The following PDE10A variants were observed in gnomAD, a reference collection of about 807,000 sequenced individuals.
The protein encoded by PDE10A is phosphodiesterase 10A.
Under a neutral mutation model 97.7 loss-of-function variants are expected in PDE10A, and 39 were observed. The ratio of observed to expected loss-of-function variants is 0.40; its 90% CI spans 0.31 to 0.52. PDE10A has a LOEUF of 0.52. Ranked by LOEUF, PDE10A falls within the 20% of genes least tolerant of loss-of-function variation. The pLI is 0.56. For missense variants in PDE10A, 731 were observed against 1,047.8 expected (o/e 0.70, Z 4.17); for synonymous variants, 371 against 376.8 (o/e 0.98, Z 0.18).
At chr6:165,347,063 A>T (rs1007057478) in intron 18 of PDE10A, among the ~76,000 whole-genome samples, 3 of 150,294 alleles carry the variant, frequency 2.0e-5, no homozygotes, top group African/African-American at 7.3e-5. Context: ...ACTAGGTTCA[A>T]TTCTTTTTTT....
intron 4 of PDE10A, 121 bp downstream of exon 4, chr6:165,450,121 A>T: frequency 1.5e-6 from 1 of 654,308 alleles, no homozygotes; most frequent in Non-Finnish European, 2.6e-6. Flanking sequence ...CTTGAAATTT[A>T]GTCCAGAAAT....
At chr6:165,468,206 G>A (rs1778772000) in intron 3 of PDE10A, among the ~76,000 whole-genome samples, 1 of 152,022 alleles carries the variant, frequency 6.6e-6, no homozygotes, top group Non-Finnish European at 1.5e-5. Flanking sequence ...AGCCTCCTGA[G>A]TAGCAGGGAT....
chr6:165,966,702 C>A (rs558919851), intron 1 of PDE10A, among the ~76,000 whole-genome samples: 5 of 152,302 alleles, frequency 3.3e-5, no homozygotes, highest in African/African-American at 1.2e-4. Flanking sequence ...AGAGAATAAA[C>A]AAGCATTGTC....
chr6:165,758,533 G>A (rs796407095), intron 1 of PDE10A, among the ~76,000 whole-genome samples: 33 of 81,442 alleles, frequency 4.1e-4, no homozygotes, highest in East Asian at 2.9e-3. Flanking sequence ...AAGAAGAAGA[G>A]GAAGAGGAAG....
chr6:165,833,543 G>A (rs890613433), intron 1 of PDE10A, among the ~76,000 whole-genome samples: 9 of 152,250 alleles, frequency 5.9e-5, no homozygotes, highest in Non-Finnish European at 1.0e-4. Context: ...ATGCCCCAGG[G>A]CGTAGCAGGC....
rs1039789978 is a variant in PDE10A, at chr6:165,883,797, T to C, written c.-615+103732A>G. ...AGCTTCGGTGTTGAACAGTCAGCAC[T>C]GATCTACCCTAAGCCGCCCATACAG... On this transcript the variant is annotated intron_variant, in intron 1 of 19. Coordinates refer to the PDE10A transcript ENST00000366882. Among the ~76,000 whole-genome samples, 6 of 152,194 alleles carry C rather than the reference T, an allele frequency of 3.9e-5. No individual in the cohort carries two copies. The South Asian group carries it at 6.2e-4, about 16-fold the overall frequency.
At position 165,592,923 on chromosome 6, in the gene PDE10A, A is replaced by G. The variant is rs181102448; in HGVS notation, c.866-49355T>C. ...TCAGGGATCTAGAACTAGAAATACC[A>G]TTTGACCCAGCCATCCCATTACTGG... is the stretch of plus-strand genomic sequence containing the variant. On this transcript the variant is annotated intron_variant, in intron 1 of 21. Transcript: ENST00000539869. Among the ~76,000 whole-genome samples the G allele has an allele frequency of 7.5e-3, 1,145 of 152,326 alleles. 14 individuals carry two copies. The highest frequency in any genetic ancestry group is 0.027 in the African/African-American group (1,110 of 41,562).
chr6:165,386,899 C>T (rs967718393), intron 17 of PDE10A, among the ~76,000 whole-genome samples: 1 of 151,326 alleles, frequency 6.6e-6, no homozygotes, highest in African/African-American at 2.4e-5. Flanking sequence ...TCCTGTAGTT[C>T]CAGCTACTTG....
At chr6:165,844,472 G>A (rs1475581990) in intron 1 of PDE10A, among the ~76,000 whole-genome samples, 1 of 152,206 alleles carries the variant, frequency 6.6e-6, no homozygotes, top group Non-Finnish European at 1.5e-5. Context: ...GGTGTTCTAA[G>A]TCACTCCAGT....
chr6:165,667,238 A>G (rs1790519723), upstream of PDE10A, among the ~76,000 whole-genome samples: 1 of 152,138 alleles, frequency 6.6e-6, no homozygotes. Flanking sequence ...TTTTTGGGAA[A>G]CAGGTAGGGG....
chr6:165,423,394 G>C (rs767349057), intron 10 of PDE10A, among the ~76,000 whole-genome samples: 3 of 152,130 alleles, frequency 2.0e-5, no homozygotes, highest in Non-Finnish European at 4.4e-5. Flanking sequence ...CTGGCCGCAG[G>C]GCGTCTGGAA....
chr6:165,766,421 C>T (rs531105466), intron 1 of PDE10A, among the ~76,000 whole-genome samples: 2 of 152,328 alleles, frequency 1.3e-5, no homozygotes, highest in South Asian at 4.1e-4. Flanking sequence ...GTCTTATCCT[C>T]ACTGTTAATT....
intron 1 of PDE10A, among the ~76,000 whole-genome samples, chr6:165,936,640 G>T (rs1445075444): frequency 6.6e-6 from 1 of 152,190 alleles, no homozygotes; most frequent in African/African-American, 2.4e-5. Context: ...GAGACAAGGA[G>T]AATTTTGCCT....
At chr6:165,874,064 A>G (rs767975482) in intron 1 of PDE10A, among the ~76,000 whole-genome samples, 24 of 152,224 alleles carry the variant, frequency 1.6e-4, no homozygotes, top group Non-Finnish European at 2.8e-4. Flanking sequence ...ATGAAGCATT[A>G]TGGTAGTATT....
intron 13 of PDE10A, among the ~76,000 whole-genome samples, chr6:165,408,241 G>A (rs1252837771): frequency 6.6e-6 from 1 of 152,210 alleles, no homozygotes; most frequent in Non-Finnish European, 1.5e-5. Context: ...ACTTCATGCT[G>A]CACAAAGATT....
At chr6:165,733,277 C>T (rs532002632) in intron 1 of PDE10A, among the ~76,000 whole-genome samples, 97 of 152,348 alleles carry the variant, frequency 6.4e-4, no homozygotes, top group African/African-American at 2.3e-3. Context: ...ATATCTGCAG[C>T]AGGATTTACT....
At chr6:165,540,214 CT>C (rs1298626213) in intron 2 of PDE10A, among the ~76,000 whole-genome samples, 1 of 152,194 alleles carries the variant, frequency 6.6e-6, no homozygotes, top group African/African-American at 2.4e-5. Context: ...TGCCTGACCC[CT>C]GGTGATCCTT....
At chr6:165,391,341 A>C (rs1785699059) in intron 16 of PDE10A, among the ~76,000 whole-genome samples, 1 of 152,218 alleles carries the variant, frequency 6.6e-6, no homozygotes. Flanking sequence ...AATGAGAGTC[A>C]ATATGTATCA....
At chr6:165,850,372 C>T (rs1780543362) in intron 1 of PDE10A, among the ~76,000 whole-genome samples, 1 of 152,194 alleles carries the variant, frequency 6.6e-6, no homozygotes, top group African/African-American at 2.4e-5. Context: ...CTCTCAGGGT[C>T]CGTGGAACAC....
Sources: allele counts gnomAD v4.1 joint callset (sites outside exome capture counted in the v4.1 genomes callset), GRCh38; gene constraint gnomAD v4.1.1; transcripts MANE v1.5; gene names NCBI Gene and HGNC (gene_info 2026-07-23, HGNC 2026-07-21).